Variants in PDE4D observed in about 807,000 individuals in gnomAD.
The protein encoded by PDE4D is 3',5'-cyclic-AMP phosphodiesterase 4D.
A neutral mutation model predicts 87.4 loss-of-function variants in PDE4D; 24 were observed. The observed-to-expected ratio is 0.27, with a 90% confidence interval of 0.20 to 0.39. The LOEUF (loss-of-function observed/expected upper bound fraction) is 0.39, where lower values mean the gene tolerates loss of function less well. Among genes scored for constraint, PDE4D ranks in the 10% least tolerant of loss-of-function variants. PDE4D has a pLI of 1.00. For missense variants in PDE4D, 714 were observed against 1,041.0 expected, an observed-to-expected ratio of 0.69 and a Z score of 4.32; for synonymous variants, 384 against 383.2, an observed-to-expected ratio of 1.00 and a Z score of -0.02.
At chr5:60,234,197 A>T (rs963689871) in intron 1 of PDE4D, among the ~76,000 whole-genome samples, 1 of 151,838 alleles carries the variant, frequency 6.6e-6, no homozygotes, top group African/African-American at 2.4e-5. Flanking sequence ...GTCATACAAG[A>T]AGTAGTCTTT....
intron 1 of PDE4D, among the ~76,000 whole-genome samples, chr5:60,375,627 C>A (rs1206568300): frequency 6.6e-6 from 1 of 152,178 alleles, no homozygotes. Context: ...GGAGTCTCTT[C>A]CCTAGGCACA....
chr5:59,358,413 G>T (rs142338896), intron 1 of PDE4D, among the ~76,000 whole-genome samples: 4 of 152,116 alleles, frequency 2.6e-5, no homozygotes, highest in Non-Finnish European at 5.9e-5. Flanking sequence ...TCCAAATTTC[G>T]CATGAGCAAA....
chr5:59,250,886 G>A (rs1030017621), intron 1 of PDE4D, among the ~76,000 whole-genome samples: 4 of 152,070 alleles, frequency 2.6e-5, no homozygotes, highest in African/African-American at 9.6e-5. Flanking sequence ...GCACACCTAG[G>A]ACCATCTGAT....
intron 3 of PDE4D, among the ~76,000 whole-genome samples, chr5:59,914,151 C>T (rs930423518): frequency 7.9e-5 from 12 of 152,158 alleles, no homozygotes; most frequent in African/African-American, 2.4e-4. Flanking sequence ...ATAACTACTA[C>T]ATGTCCTAGG....
At chr5:60,324,599 C>T (rs1055530833) in intron 1 of PDE4D, among the ~76,000 whole-genome samples, 69 of 152,358 alleles carry the variant, frequency 4.5e-4, no homozygotes, top group African/African-American at 1.4e-3. Flanking sequence ...GATGGTGCCA[C>T]TGCACTCCAG....
chr5:60,107,554 A>C (rs893352494), intron 2 of PDE4D, among the ~76,000 whole-genome samples: 1 of 152,158 alleles, frequency 6.6e-6, no homozygotes, highest in Non-Finnish European at 1.5e-5. Context: ...AGACACAACC[A>C]AAAAAGAGAA....
intron 1 of PDE4D, among the ~76,000 whole-genome samples, chr5:59,668,822 G>GAAA: frequency 1.0e-5 from 1 of 95,818 alleles, no homozygotes; most frequent in East Asian, 3.2e-4. Context: ...AGAAGAAGAA[G>GAAA]AAGAAGAAGA....
chr5:60,374,136 A>G (rs1561180819), intron 1 of PDE4D, among the ~76,000 whole-genome samples: 3 of 152,158 alleles, frequency 2.0e-5, no homozygotes, highest in African/African-American at 4.8e-5. Context: ...AGGATTGCTG[A>G]TTTATCCAAT....
chr5:59,874,960 T>A (rs1748339491), intron 1 of PDE4D, among the ~76,000 whole-genome samples: 1 of 152,194 alleles, frequency 6.6e-6, no homozygotes, highest in Non-Finnish European at 1.5e-5. Flanking sequence ...GTGCACAGGG[T>A]ACAAAAGTTT....
intron 5 of PDE4D, among the ~76,000 whole-genome samples, chr5:59,126,162 G>A (rs1775373404): frequency 6.8e-6 from 1 of 147,892 alleles, no homozygotes; most frequent in Non-Finnish European, 1.5e-5. Context: ...AGGAAGGGAA[G>A]AAGGAAGGAA....
chr5:58,992,353 G>A (rs528686290), intron 7 of PDE4D, among the ~76,000 whole-genome samples: 1 of 152,202 alleles, frequency 6.6e-6, no homozygotes, highest in South Asian at 2.1e-4. Flanking sequence ...CCATTCCTTT[G>A]TGAAACTGAC....
intron 1 of PDE4D, among the ~76,000 whole-genome samples, chr5:59,771,465 G>GAA (rs1366029481): frequency 9.6e-5 from 7 of 73,120 alleles, no homozygotes; most frequent in Non-Finnish European, 2.0e-4. Context: ...AAGAAAGAAA[G>GAA]AAAGAAAGAA....
intron 5 of PDE4D, among the ~76,000 whole-genome samples, chr5:59,100,895 C>T (rs553137093): frequency 3.9e-5 from 6 of 152,240 alleles, no homozygotes; most frequent in Admixed American, 6.5e-5. Flanking sequence ...AACCCAAGAA[C>T]CTCAGGGATT....
chr5:59,773,222 G>A (rs1763751695), intron 1 of PDE4D, among the ~76,000 whole-genome samples: 3 of 152,264 alleles, frequency 2.0e-5, no homozygotes, highest in Middle Eastern at 3.4e-3. Context: ...TACAATTTTA[G>A]AGATGAGGGC....
At chr5:59,637,141 A>G (rs1279927994) in intron 1 of PDE4D, among the ~76,000 whole-genome samples, 1 of 152,256 alleles carries the variant, frequency 6.6e-6, no homozygotes, top group East Asian at 1.9e-4. Context: ...AAGCATATGA[A>G]AAAAGCTCAT....
At chr5:59,842,009 G>A (rs1743092013) in intron 1 of PDE4D, among the ~76,000 whole-genome samples, 1 of 151,954 alleles carries the variant, frequency 6.6e-6, no homozygotes, top group African/African-American at 2.4e-5. Flanking sequence ...GTGATATGTT[G>A]GAATGGTTTC....
chr5:59,024,200 C>CTTT lies in PDE4D; in HGVS notation c.921+14656_921+14658dup, dbSNP rs566593585. 9.6e-5 allele frequency among the ~76,000 whole-genome samples: 11 copies of CTTT among 114,828 alleles called. 1 individual carries two copies. Among genetic ancestry groups the CTTT allele is most frequent in the South Asian group, 5.8e-4 (2 of 3,426 alleles). The allele number at this position is 114,828 out of a possible 152,430, so 75.3% of individuals were successfully genotyped here. A position where few individuals can be genotyped will look rare whatever the true frequency, so the allele number is the denominator to read the frequency against. On this transcript the variant is annotated intron_variant, in intron 6 of 14. Transcript: ENST00000340635. ...AGCCACCATGCCCAGCTGAATTCTA[C>CTTT]TTTTTTTTTTTTTTTTTTGAGACAG... is the stretch of plus-strand genomic sequence containing the variant.
chr5:59,301,438 CTTA>C (rs1479518267), intron 1 of PDE4D, among the ~76,000 whole-genome samples: 2 of 152,172 alleles, frequency 1.3e-5, no homozygotes, highest in East Asian at 1.9e-4. Context: ...TGAATCTACA[CTTA>C]TTATAGCAAA....
intron 1 of PDE4D, among the ~76,000 whole-genome samples, chr5:59,497,584 G>T (rs1439631108): frequency 6.6e-6 from 1 of 151,968 alleles, no homozygotes; most frequent in East Asian, 1.9e-4. Flanking sequence ...GCAGAAGAAT[G>T]AATTTCAGGG....
Sources: allele counts gnomAD v4.1 joint callset (sites outside exome capture counted in the v4.1 genomes callset), GRCh38; gene constraint gnomAD v4.1.1; transcripts MANE v1.5; gene names NCBI Gene and HGNC (gene_info 2026-07-23, HGNC 2026-07-21).